The following COL4A2 variants were observed in gnomAD, a reference collection of about 807,000 sequenced individuals.
The protein encoded by COL4A2 is collagen type IV alpha 2 chain.
In COL4A2, 99 loss-of-function variants were observed where a neutral mutation model predicts 200.2. The ratio of observed to expected loss-of-function variants is 0.49; its 90% CI spans 0.42 to 0.58. The LOEUF (loss-of-function observed/expected upper bound fraction) is 0.58. Among genes scored for constraint, COL4A2 ranks in the 20% least tolerant of loss-of-function variants. The probability of loss-of-function intolerance (pLI) is 0.00; values close to 1 mark genes in which losing one functional copy is unlikely to be tolerated. For missense variants in COL4A2, 1,950 were observed against 2,314.1 expected, an observed-to-expected ratio of 0.84 and a Z score of 3.23; for synonymous variants, 897 against 900.6, an observed-to-expected ratio of 1.00 and a Z score of 0.07.
chr13:110,411,624 G>A (rs894197132), intron 4 of COL4A2, among the ~76,000 whole-genome samples: 21 of 152,158 alleles, frequency 1.4e-4, no homozygotes, highest in Non-Finnish European at 4.4e-5. Flanking sequence ...ACCTCTGCAG[G>A]ACTGTGGCTG....
intron 29 of COL4A2, among the ~76,000 whole-genome samples, chr13:110,474,554 G>GCACA (rs762457703): frequency 2.1e-4 from 26 of 122,364 alleles, no homozygotes; most frequent in African/African-American, 6.2e-4. Flanking sequence ...GTGCATGCAT[G>GCACA]CACACACACA....
chr13:110,500,753 GT>G (rs534339982), intron 40 of COL4A2, among the ~76,000 whole-genome samples: 121 of 152,338 alleles, frequency 7.9e-4, no homozygotes, highest in African/African-American at 2.9e-3. Context: ...CTGGTTTTCT[GT>G]GTAACGGCAC....
At chr13:110,336,489 C>T (rs1876197854) in intron 3 of COL4A2, among the ~76,000 whole-genome samples, 1 of 152,154 alleles carries the variant, frequency 6.6e-6, no homozygotes, top group South Asian at 2.1e-4. Flanking sequence ...CTGCGCGCTG[C>T]CCAGGGCTGG....
At chr13:110,442,752 C>T (rs1033867652) in intron 16 of COL4A2, among the ~76,000 whole-genome samples, 1 of 141,174 alleles carries the variant, frequency 7.1e-6, no homozygotes, top group Non-Finnish European at 1.6e-5. Context: ...GTTTCGTCTC[C>T]TCTTTCTAGG....
rs1566505481 is a variant in COL4A2, at chr13:110,385,869, G to GGATAGGCCGTGGTTACAGTGTGTC, written c.180+28320_180+28321insAGGCCGTGGTTACAGTGTGTCGAT. On this transcript the variant is annotated intron_variant, in intron 4 of 47. Transcript: ENST00000360467. Reference sequence around the variant, plus strand: ...TGGATAGGCCGTGGTTGCAGCGTGTGGATGGGCCGTGGTTACAGCGTGTGG... The same window carrying GGATAGGCCGTGGTTACAGTGTGTC: ...TGGATAGGCCGTGGTTGCAGCGTGTGGATAGGCCGTGGTTACAGTGTGTCGATGGGCCGTGGTTACAGCGTGTGG... Among the ~76,000 whole-genome samples, 2 of 121,616 alleles carry GGATAGGCCGTGGTTACAGTGTGTC rather than the reference G, an allele frequency of 1.6e-5. 1 individual carries two copies. Among genetic ancestry groups the GGATAGGCCGTGGTTACAGTGTGTC allele is most frequent in the African/African-American group, 6.4e-5 (2 of 31,108 alleles). 79.8% of individuals were successfully genotyped at this position (121,616 alleles called of 152,430 possible).
rs185889600 is a variant in COL4A2 at position 110,452,054 on chromosome 13, G to A, written c.1339+1600G>A. ...TAATCTCTTACAGCCTCCTACCTTC[G>A]GGGAGGAAAAACACCATGTTTGCTA... On this transcript the variant is annotated intron_variant, in intron 20 of 47. Coordinates refer to ENST00000360467, the MANE Select transcript of COL4A2 (RefSeq NM_001846.4). Among the ~76,000 whole-genome samples, 11 of 152,304 alleles carry A rather than the reference G, an allele frequency of 7.2e-5. 1 individual carries two copies. The highest frequency in any genetic ancestry group is 4.6e-4 in the Admixed American group (7 of 15,306).
chr13:110,370,561 TTTG>T (rs554630293), intron 4 of COL4A2, among the ~76,000 whole-genome samples: 3 of 152,276 alleles, frequency 2.0e-5, no homozygotes, highest in Non-Finnish European at 2.9e-5. Flanking sequence ...AGCTTTGTAT[TTTG>T]TTGTTGTTGT....
At chr13:110,350,202 A>G (rs1876894206) in intron 3 of COL4A2, among the ~76,000 whole-genome samples, 1 of 152,246 alleles carries the variant, frequency 6.6e-6, no homozygotes, top group African/African-American at 2.4e-5. Flanking sequence ...TGTCTGTTGC[A>G]TTCCAATTGA....
intron 4 of COL4A2, among the ~76,000 whole-genome samples, chr13:110,396,055 C>T (rs61445463): frequency 0.025 from 3,771 of 152,232 alleles, 67 homozygotes; most frequent in Middle Eastern, 0.058. Flanking sequence ...TACTCTTCTC[C>T]CCCTTCTATT....
At chr13:110,338,298 C>CA (rs1206811900) in intron 3 of COL4A2, among the ~76,000 whole-genome samples, 2 of 151,276 alleles carry the variant, frequency 1.3e-5, no homozygotes, top group Non-Finnish European at 2.9e-5. Flanking sequence ...CATTAGCTGG[C>CA]AAAAAAGAGC....
chr13:110,331,731 A>G (rs1321828544), intron 3 of COL4A2, among the ~76,000 whole-genome samples: 3 of 152,178 alleles, frequency 2.0e-5, no homozygotes, highest in Non-Finnish European at 4.4e-5. Context: ...TTACTCTCAC[A>G]ATGTTTGCCT....
intron 3 of COL4A2, among the ~76,000 whole-genome samples, chr13:110,324,360 C>T (rs1049472329): frequency 2.6e-5 from 4 of 152,194 alleles, no homozygotes; most frequent in African/African-American, 4.8e-5. Context: ...TAACTGGACT[C>T]GCTCCTTCTT....
chr13:110,434,589 G>T (rs1030567367), intron 12 of COL4A2, 147 bp downstream of exon 12: 2 of 802,062 alleles, frequency 2.5e-6, no homozygotes, highest in Non-Finnish European at 4.0e-6. Context: ...AATAATCATT[G>T]CAAAGTGCTA....
At chr13:110,460,509 C>T (rs910905626) in intron 22 of COL4A2, among the ~76,000 whole-genome samples, 4 of 152,138 alleles carry the variant, frequency 2.6e-5, no homozygotes, top group African/African-American at 7.2e-5. Flanking sequence ...TTGTTTAAAA[C>T]GTGACCGAAT....
chr13:110,362,417 A>G (rs1254940140), intron 4 of COL4A2, among the ~76,000 whole-genome samples: 2 of 152,096 alleles, frequency 1.3e-5, no homozygotes, highest in African/African-American at 4.8e-5. Context: ...AGGCTCAAGC[A>G]GTTCTCCTGC....
intron 34 of COL4A2, 116 bp from the exon 35 acceptor site, chr13:110,489,329 A>C: frequency 2.0e-6 from 2 of 1,018,962 alleles, no homozygotes; most frequent in Non-Finnish European, 3.1e-6. Flanking sequence ...AAATGACAAG[A>C]TCACAAACCT....
At chr13:110,335,063 G>A (rs1353378489) in intron 3 of COL4A2, among the ~76,000 whole-genome samples, 1 of 152,020 alleles carries the variant, frequency 6.6e-6, no homozygotes, top group Non-Finnish European at 1.5e-5. Context: ...CCTCTGCAGA[G>A]GCCGAGCCCC....
At chr13:110,470,840 T>C (rs1882443823) in intron 28 of COL4A2, among the ~76,000 whole-genome samples, 1 of 152,176 alleles carries the variant, frequency 6.6e-6, no homozygotes. Context: ...TCTTTCGGAA[T>C]TTTGTGTTGC....
intron 14 of COL4A2, 94 bp from the exon 15 acceptor site, chr13:110,438,522 AAC>A: frequency 6.7e-7 from 1 of 1,497,576 alleles, no homozygotes; most frequent in Non-Finnish European, 9.3e-7. Flanking sequence ...CGGGGCTGAG[AAC>A]ACAGAGTCCT....
Sources: gnomAD v4.1 joint callset for allele counts (sites outside exome capture counted in the v4.1 genomes callset) on GRCh38, gnomAD v4.1.1 for gene constraint, MANE v1.5 for transcripts, NCBI Gene and HGNC (gene_info 2026-07-23, HGNC 2026-07-21) for gene names.